JAKMIP3: variants seen among roughly 807,000 people sequenced by gnomAD.
JAKMIP3 encodes the protein Janus kinase and microtubule interacting protein 3, also known as janus kinase and microtubule-interacting protein 3.
In JAKMIP3, 58 loss-of-function variants were observed where a neutral mutation model predicts 118.5. The ratio of observed to expected loss-of-function variants is 0.49; its 90% CI spans 0.40 to 0.61. The LOEUF (loss-of-function observed/expected upper bound fraction) is 0.61, where lower values mean the gene tolerates loss of function less well. Ranked by LOEUF, JAKMIP3 falls within the 20% of genes least tolerant of loss-of-function variation. The probability of loss-of-function intolerance (pLI) is 0.00; values close to 1 mark genes in which losing one functional copy is unlikely to be tolerated. For synonymous variants in JAKMIP3, 486 were observed against 451.2 expected, an observed-to-expected ratio of 1.08 and a Z score of -0.98; for missense variants, 950 against 1,109.0, an observed-to-expected ratio of 0.86 and a Z score of 2.04.
chr10:132,080,003 C>T (rs117204754), intron 1 of JAKMIP3, among the ~76,000 whole-genome samples: 4,226 of 152,294 alleles, frequency 0.028, 88 homozygotes, highest in Middle Eastern at 0.054. Context: ...GTCTTCCAGA[C>T]CCCGCTTTCA....
At chr10:132,138,836 C>A (rs926831375) in intron 9 of JAKMIP3, among the ~76,000 whole-genome samples, 2 of 152,222 alleles carry the variant, frequency 1.3e-5, no homozygotes, top group East Asian at 3.9e-4. Flanking sequence ...ACCCCACGCT[C>A]GCCTGTCCTG....
chr10:132,167,818 C>T, intron 22 of JAKMIP3, 135 bp from the exon 23 acceptor site: 2 of 373,870 alleles, frequency 5.3e-6, no homozygotes, highest in South Asian at 4.5e-5. Flanking sequence ...CCCCTCACCC[C>T]TCGGCCCTCA....
chr10:132,084,535 C>G (rs2042152115), intron 1 of JAKMIP3, among the ~76,000 whole-genome samples: 1 of 152,114 alleles, frequency 6.6e-6, no homozygotes, highest in African/African-American at 2.4e-5. Context: ...TTATTTCTTT[C>G]CCTTGTCTGA....
intron 3 of JAKMIP3, among the ~76,000 whole-genome samples, chr10:132,123,054 A>G (rs1369795239): frequency 6.6e-6 from 1 of 151,986 alleles, no homozygotes; most frequent in Non-Finnish European, 1.5e-5. Flanking sequence ...CGCATGGCCC[A>G]CTCTGTGCTC....
At chr10:132,180,762 T>C (rs111217763) in intron 23 of JAKMIP3, among the ~76,000 whole-genome samples, 2,360 of 22,102 alleles carry the variant, frequency 0.11, 715 homozygotes, top group East Asian at 0.71. Flanking sequence ...CGTGTGTGCG[T>C]GTGTGTGCGT....
chr10:132,106,337 C>G (rs1336776033), intron 2 of JAKMIP3, among the ~76,000 whole-genome samples: 2 of 145,532 alleles, frequency 1.4e-5, no homozygotes, highest in Non-Finnish European at 1.5e-5. Context: ...GACCCTGTCT[C>G]TAAAGAAATA....
chr10:132,072,370 C>A lies in JAKMIP3; in HGVS notation c.-138+6309C>A, dbSNP rs1043120917. 3.9e-5 allele frequency among the ~76,000 whole-genome samples: 6 copies of A among 152,010 alleles called. No individual in the cohort carries two copies. In the Middle Eastern group the frequency reaches 0.021, roughly 521 times the overall value. Reference sequence around the variant, plus strand: ...GACCAGCCTGGGTAACATAGTGAAACCCAGTCTCTACAAAAAATTAAAAAA... The same window carrying A: ...GACCAGCCTGGGTAACATAGTGAAAACCAGTCTCTACAAAAAATTAAAAAA... On this transcript the variant is annotated intron_variant, in intron 1 of 23. Coordinates refer to ENST00000684848, the MANE Select transcript of JAKMIP3 (RefSeq NM_001323087.2).
At position 132,152,965 on chromosome 10, in the gene JAKMIP3, C is replaced by T. The variant is rs2056485211; in HGVS notation, c.2015C>T (p.Thr672Ile). The T allele has an allele frequency of 1.9e-6, 3 of 1,605,948 alleles. No individual in the cohort carries two copies. Among genetic ancestry groups the T allele is most frequent in the South Asian group, 1.1e-5 (1 of 89,106 alleles). The stretch of plus-strand genomic sequence containing the variant: ...TTCTGCTTTTGGGTGCAGAACCTGA[C>T]CAATGAGGAGCAGGTGGTTGTCATA... The part of the protein sequence containing the change: ...ILGDNAVSNL[T>I]NEEQVVVIQA... The change falls in exon 17 of 24, where the codon ACC (threonine) becomes ATC (isoleucine). Residue 672 changes from threonine to isoleucine, a missense_variant. Coordinates refer to ENST00000684848, the MANE Select transcript of JAKMIP3 (RefSeq NM_001323087.2).
intron 2 of JAKMIP3, among the ~76,000 whole-genome samples, chr10:132,113,759 G>A (rs2135240555): frequency 6.6e-6 from 1 of 152,310 alleles, no homozygotes; most frequent in Non-Finnish European, 1.5e-5. Flanking sequence ...AACCTACCAG[G>A]GATTGATTTT....
At chr10:132,125,507 C>G (rs1017143276) in intron 3 of JAKMIP3, among the ~76,000 whole-genome samples, 6 of 152,258 alleles carry the variant, frequency 3.9e-5, no homozygotes, top group Non-Finnish European at 5.9e-5. Flanking sequence ...CGTCTAAGTT[C>G]TACAACTTCC....
intron 11 of JAKMIP3, among the ~76,000 whole-genome samples, chr10:132,142,392 C>T (rs564038246): frequency 5.9e-5 from 9 of 152,288 alleles, no homozygotes; most frequent in East Asian, 1.9e-4. Flanking sequence ...GGCAGCATGG[C>T]GATGGCCCGT....
intron 11 of JAKMIP3, chr10:132,144,504 AG>A (rs752727755): frequency 1.3e-5 from 2 of 152,644 alleles, no homozygotes; most frequent in Non-Finnish European, 2.9e-5. Flanking sequence ...AGCACACGCT[AG>A]GCCTCAGTCA....
At chr10:132,051,219 T>A (rs1474038283) in intron 1 of JAKMIP3, among the ~76,000 whole-genome samples, 1 of 151,502 alleles carries the variant, frequency 6.6e-6, no homozygotes, top group Admixed American at 6.6e-5. Context: ...ACGGTTGGTC[T>A]TGTTAATTCC....
At chr10:132,131,175 T>G (rs2050492928) in intron 3 of JAKMIP3, among the ~76,000 whole-genome samples, 4 of 95,444 alleles carry the variant, frequency 4.2e-5, no homozygotes, top group Admixed American at 1.2e-4. Context: ...AGGGAGCTCA[T>G]GGGGTGAGGG....
At chr10:132,147,204 C>T (rs79667186) in intron 13 of JAKMIP3, among the ~76,000 whole-genome samples, 1 of 152,206 alleles carries the variant, frequency 6.6e-6, no homozygotes, top group Admixed American at 6.5e-5. Flanking sequence ...TGAGCCGGCT[C>T]ACTCCAAGGA....
chr10:132,116,760 CATGG>C (rs2047729194), intron 2 of JAKMIP3, among the ~76,000 whole-genome samples: 1 of 113,976 alleles, frequency 8.8e-6, no homozygotes, highest in Non-Finnish European at 1.8e-5. Context: ...GTGTGTGCAT[CATGG>C]ACGCTCCCCC....
chr10:132,167,212 G>GCGCA (rs397945519), intron 22 of JAKMIP3, among the ~76,000 whole-genome samples, 157 bp downstream of exon 22: 1 of 152,136 alleles, frequency 6.6e-6, no homozygotes, highest in Non-Finnish European at 1.5e-5. Flanking sequence ...AGCCACCCGC[G>GCGCA]TCCTTCAACA....
chr10:132,097,962 TTTCCTTCCTTTTC>T lies in JAKMIP3; in HGVS notation c.-137-6708_-137-6696del, dbSNP rs796186985. 1.4e-3 allele frequency among the ~76,000 whole-genome samples: 36 copies of T among 24,924 alleles called. 5 individuals carry two copies. The highest frequency in any genetic ancestry group is 7.4e-3 in the East Asian group (3 of 406). The allele number at this position is 24,924 out of a possible 152,430, so 16.4% of individuals were successfully genotyped here. A position where few individuals can be genotyped will look rare whatever the true frequency, so the allele number is the denominator to read the frequency against. ...CTTTCCCTTTCCCATCCCCTTTCCC[TTTCCTTCCTTTTC>T]TCCCCTTCCCCTTCCCCTTCCCCTT... On this transcript the variant is annotated intron_variant, in intron 1 of 23. Coordinates refer to ENST00000684848, the MANE Select transcript of JAKMIP3 (RefSeq NM_001323087.2).
chr10:132,167,494 G>A (rs1309109655), intron 22 of JAKMIP3, among the ~76,000 whole-genome samples: 1 of 152,174 alleles, frequency 6.6e-6, no homozygotes, highest in East Asian at 1.9e-4. Flanking sequence ...TCAGCCAGGA[G>A]GGCTTGGTCT....
Sources: gnomAD v4.1 joint callset for allele counts (sites outside exome capture counted in the v4.1 genomes callset) on GRCh38, gnomAD v4.1.1 for gene constraint, MANE v1.5 for transcripts, NCBI Gene and HGNC (gene_info 2026-07-23, HGNC 2026-07-21) for gene names.